The following TREH variants were observed in gnomAD, a reference collection of about 807,000 sequenced individuals.
The protein encoded by TREH is alpha,alpha-trehalose glucohydrolase.
In TREH, 69 loss-of-function variants were observed where a neutral mutation model predicts 80.5. The ratio of observed to expected loss-of-function variants is 0.86; its 90% confidence interval spans 0.71 to 1.05. The LOEUF is 1.05. Ranked by LOEUF, TREH falls within the 50% of genes least tolerant of loss-of-function variation. TREH has a pLI of 0.00. For synonymous variants in TREH, 309 were observed against 293.5 expected, an observed-to-expected ratio of 1.05 and a Z score of -0.54; for missense variants, 716 against 718.8, an observed-to-expected ratio of 1.00 and a Z score of 0.04.
At position 118,661,210 on chromosome 11, in the gene TREH, C is replaced by T. The variant is rs548465261; in HGVS notation, c.807G>A (p.Glu269=). ...TKNRTVSVSL[E]GKNYLLNRYY... ...AGCGATTCAGGAGGTAGTTCTTTCC[C>T]TCCAAGCTCACAGAGACAGTCCTGT... is the stretch of plus-strand genomic sequence containing the variant. The change falls in exon 8 of 15, where the codon GAG becomes GAA. Residue 269 remains glutamate, a synonymous_variant. Coordinates refer to ENST00000264029, the MANE Select transcript of TREH (RefSeq NM_007180.3). The surrounding 1 kb of genome is among the most constrained non-coding windows in gnomAD (Gnocchi z 4.2). 1.2e-6 allele frequency: 2 copies of T among 1,614,008 alleles called. No individual in the cohort carries two copies. The highest frequency in any genetic ancestry group is 1.7e-5 in the Admixed American group (1 of 60,028).
rs1218887445 is a variant in TREH, at chr11:118,674,618, C to T, written c.89+4921G>A. Among the ~76,000 whole-genome samples the T allele has an allele frequency of 6.6e-6, 1 of 152,222 alleles. No individual in the cohort carries two copies. The highest frequency in any genetic ancestry group is 1.5e-5 in the Non-Finnish European group (1 of 68,040). On this transcript the variant is annotated intron_variant, in intron 1 of 14. Transcript: ENST00000264029. This position sits in a 1 kb window ranked among gnomAD's most constrained non-coding sequence, Gnocchi z 4.4. ...AGTGCAATGGCGAGATCTCAGCTCA[C>T]TGCAACCTCCACCTCCTGGGTTCAA...
chr11:118,676,129 G>T (rs562157276), intron 1 of TREH, among the ~76,000 whole-genome samples: 1 of 152,328 alleles, frequency 6.6e-6, no homozygotes, highest in East Asian at 1.9e-4. Context: ...AGGTTGAGAA[G>T]TTGGGCTGAT....
At chr11:118,659,044 A>G (rs1555144204) in intron 12 of TREH, 27 bp from the exon 13 acceptor site, 2 of 1,605,136 alleles carry the variant, frequency 1.2e-6, no homozygotes. Flanking sequence ...GCAGGACTCA[A>G]CCTCCAGGTC....
rs1255595025 is a variant in TREH, at chr11:118,661,043, C to T, written c.857+117G>A. The stretch of plus-strand genomic sequence containing the variant: ...ACAGCCCAGGATTGCAGAGGGCTCT[C>T]GGTGTCACCATCTGAGAGGCCAGGC... On this transcript the variant is annotated intron_variant, in intron 8 of 14. Coordinates refer to ENST00000264029, the MANE Select transcript of TREH (RefSeq NM_007180.3). The surrounding 1 kb of genome is among the most constrained non-coding windows in gnomAD (Gnocchi z 4.2). The T allele has an allele frequency of 1.1e-5, 17 of 1,563,598 alleles. No individual in the cohort carries two copies. Among genetic ancestry groups the T allele is most frequent in the South Asian group, 3.5e-5 (3 of 85,430 alleles).
chr11:118,665,924 A>C (rs1949373122), intron 1 of TREH, among the ~76,000 whole-genome samples: 1 of 152,118 alleles, frequency 6.6e-6, no homozygotes, highest in African/African-American at 2.4e-5. Flanking sequence ...GTCCCTTACA[A>C]AGGTGGAAAA....
rs782642095 is a variant in TREH at position 118,661,443 on chromosome 11, G to T, written c.684C>A (p.Thr228=). Residue 228 remains threonine (T), a synonymous_variant, in exon 7 of 15, where the codon ACC becomes ACA. Transcript: ENST00000264029. The surrounding 1 kb of genome is among the most constrained non-coding windows in gnomAD (Gnocchi z 4.2). The part of the protein sequence containing the change: ...YLQRSQPPLL[T]LMMDCYLTHT... ...GAGTCAAGTAGCAATCCATCATGAG[G>T]GTCAAGAGTGGGGGCTGGCTCCGCT... The T allele has an allele frequency of 6.2e-7, 1 of 1,613,944 alleles. No individual in the cohort carries two copies. The highest frequency in any genetic ancestry group is 8.5e-7 in the Non-Finnish European group (1 of 1,179,868).
intron 1 of TREH, among the ~76,000 whole-genome samples, chr11:118,669,364 A>T (rs1404108452): frequency 1.3e-5 from 2 of 152,250 alleles, no homozygotes; most frequent in Non-Finnish European, 2.9e-5. Flanking sequence ...AAAAGAAAAG[A>T]ATCAATGTAT....
At chr11:118,675,647 C>T (rs1479699586) in intron 1 of TREH, among the ~76,000 whole-genome samples, 6 of 152,110 alleles carry the variant, frequency 3.9e-5, no homozygotes, top group African/African-American at 9.7e-5. Context: ...GGAACCAGGA[C>T]GTTTCCCCTC....
intron 3 of TREH, 23 bp from the exon 4 acceptor site, chr11:118,662,991 G>A (rs1949341538): frequency 1.2e-6 from 2 of 1,611,640 alleles, no homozygotes; most frequent in South Asian, 1.1e-5. Flanking sequence ...AGGCCCCACA[G>A]GGTTCAAGGA....
intron 1 of TREH, 93 bp from the exon 2 acceptor site, chr11:118,663,532 C>T (rs547904849): frequency 3.3e-5 from 34 of 1,042,784 alleles, no homozygotes; most frequent in Non-Finnish European, 3.7e-5. Context: ...CTGGTCAAGG[C>T]ATGTTCCCTG....
chr11:118,676,150 C>T (rs529568872), intron 1 of TREH, among the ~76,000 whole-genome samples: 1 of 152,316 alleles, frequency 6.6e-6, no homozygotes, highest in African/African-American at 2.4e-5. Flanking sequence ...ATCATGTGGA[C>T]CAAAACCCCA....
intron 1 of TREH, among the ~76,000 whole-genome samples, chr11:118,665,305 T>A (rs1949366472): frequency 1.3e-5 from 2 of 151,964 alleles, no homozygotes; most frequent in South Asian, 4.1e-4. Flanking sequence ...CGACTAGGAC[T>A]GCAAATGTGG....
chr11:118,663,772 G>A (rs1380592934), intron 1 of TREH, among the ~76,000 whole-genome samples: 1 of 152,142 alleles, frequency 6.6e-6, no homozygotes, highest in Non-Finnish European at 1.5e-5. Context: ...CTGTACAATG[G>A]CCCTGTGTAG....
At chr11:118,668,947 T>G (rs1949406051) in intron 1 of TREH, among the ~76,000 whole-genome samples, 1 of 151,902 alleles carries the variant, frequency 6.6e-6, no homozygotes, top group African/African-American at 2.4e-5. Context: ...AAGGAGCTCA[T>G]AAAACTCTAT....
At position 118,674,524 on chromosome 11, in the gene TREH, G is replaced by A. The variant is rs504495; in HGVS notation, c.89+5015C>T. On this transcript the variant is annotated intron_variant, in intron 1 of 14. Coordinates refer to ENST00000264029, the MANE Select transcript of TREH (RefSeq NM_007180.3). The surrounding 1 kb of genome is among the most constrained non-coding windows in gnomAD (Gnocchi z 4.4). ...CACTCCACATAAAACCTGTTCAAGC[G>A]CATACCACTTTTTTGTTTTGTTTTG... Among the ~76,000 whole-genome samples, 8 of 152,212 alleles carry A rather than the reference G, an allele frequency of 5.3e-5. No homozygotes were observed. The highest frequency in any genetic ancestry group is 2.6e-4 in the Admixed American group (4 of 15,278).
intron 1 of TREH, among the ~76,000 whole-genome samples, chr11:118,667,797 G>A (rs916054699): frequency 6.6e-6 from 1 of 152,154 alleles, no homozygotes; most frequent in Non-Finnish European, 1.5e-5. Flanking sequence ...AGGGAGATAA[G>A]TTCCCCCATC....
At position 118,663,360 on chromosome 11, in the gene TREH, T is replaced by C. The variant is rs995400234; in HGVS notation, c.169A>G (p.Met57Val). The C allele has an allele frequency of 6.3e-7, 1 of 1,595,100 alleles. No individual in the cohort carries two copies. The change falls in exon 2 of 15, where the codon ATG becomes GTG. Residue 57 changes from methionine (M) to valine (V), a missense_variant. Physicochemically the swap from Met to Val is conservative, Grantham distance 21. Transcript: ENST00000264029. ...TCACCTGGAGCTATAGACAGTGGCA[T>C]GTCCACAAACTGCTTGTCATCCTGG... ...LYQDDKQFVD[M>V]PLSIAPEQVL...
intron 1 of TREH, among the ~76,000 whole-genome samples, chr11:118,670,091 AT>A: frequency 6.6e-6 from 1 of 152,312 alleles, no homozygotes; most frequent in South Asian, 2.1e-4. Context: ...ATTACTTTTT[AT>A]TTAAAAAAAG....
In TREH at chr11:118,657,496, A is replaced by G. The variant is rs1555142784; in HGVS notation, c.*793T>C. ...ATCTCTCCAGCCCAGGCCCCTGGGC[A>G]TCTCATGCTGGGGGGAAGGGACTGA... On this transcript the variant is annotated 3_prime_UTR_variant, in exon 15 of 15. Coordinates refer to ENST00000264029, the MANE Select transcript of TREH (RefSeq NM_007180.3). 1 of 152,760 alleles carries G rather than the reference A, an allele frequency of 6.5e-6. No homozygotes were observed. Among genetic ancestry groups the G allele is most frequent in the African/African-American group, 2.4e-5 (1 of 41,414 alleles). The allele number at this position is 152,760 out of a possible 1,614,324, so 9.5% of individuals were successfully genotyped here. A position where few individuals can be genotyped will look rare whatever the true frequency, so the allele number is the denominator to read the frequency against.
Sources: allele counts gnomAD v4.1 joint callset (sites outside exome capture counted in the v4.1 genomes callset), GRCh38; gene constraint gnomAD v4.1.1; non-coding constraint Gnocchi (gnomAD v3.1); transcripts MANE v1.5; gene names NCBI Gene and HGNC (gene_info 2026-07-23, HGNC 2026-07-21).